The following GADL1 variants were observed in gnomAD, a reference collection of about 807,000 sequenced individuals.
GADL1 encodes acidic amino acid decarboxylase GADL1.
Under a neutral mutation model 69.5 loss-of-function variants are expected in GADL1, and 71 were observed. The observed-to-expected ratio is 1.02, with a 90% CI of 0.84 to 1.25. The LOEUF is 1.25. GADL1 is among the 50% of genes most tolerant of loss of function. The pLI, the probability that GADL1 is intolerant of heterozygous loss-of-function variation, is 0.00. For missense variants in GADL1, 737 were observed against 631.8 expected (o/e 1.17, Z -1.79); for synonymous variants, 254 against 214.4 (o/e 1.18, Z -1.62).
chr3:30,802,434 T>A (rs927631740), intron 11 of GADL1, among the ~76,000 whole-genome samples: 1 of 151,758 alleles, frequency 6.6e-6, no homozygotes, highest in East Asian at 1.9e-4. Flanking sequence ...TCTCATTTGG[T>A]GAATTTTCCA....
intron 11 of GADL1, among the ~76,000 whole-genome samples, chr3:30,830,705 C>G (rs1229115140): frequency 6.6e-6 from 1 of 151,988 alleles, no homozygotes; most frequent in East Asian, 1.9e-4. Context: ...GTTAACAATT[C>G]TGTAATAGAC....
intron 9 of GADL1, among the ~76,000 whole-genome samples, chr3:30,834,651 A>G (rs968443703): frequency 2.0e-5 from 3 of 152,112 alleles, no homozygotes; most frequent in African/African-American, 7.2e-5. Context: ...ATGATGAGAC[A>G]TGGGCTAAGG....
chr3:30,832,810 G>T (rs1050222318), intron 11 of GADL1, among the ~76,000 whole-genome samples: 1 of 151,924 alleles, frequency 6.6e-6, no homozygotes. Context: ...AAATGGTATT[G>T]AATACATTCA....
intron 12 of GADL1, among the ~76,000 whole-genome samples, chr3:30,796,284 AAAT>A (rs1697030799): frequency 6.6e-6 from 1 of 152,176 alleles, no homozygotes; most frequent in Non-Finnish European, 1.5e-5. Context: ...GAGCAGCTAT[AAAT>A]AATTTATGGT....
intron 14 of GADL1, among the ~76,000 whole-genome samples, chr3:30,771,413 C>T (rs934028229): frequency 4.6e-5 from 7 of 152,052 alleles, no homozygotes; most frequent in Non-Finnish European, 7.4e-5. Flanking sequence ...AAAGAGCATA[C>T]GGTATCTACA....
chr3:30,761,245 TGA>T (rs1363096914), intron 14 of GADL1, among the ~76,000 whole-genome samples: 2 of 134,622 alleles, frequency 1.5e-5, no homozygotes, highest in Admixed American at 1.5e-4. Flanking sequence ...TGGATAGCAA[TGA>T]GAATTCTGAG....
chr3:30,819,897 C>T (rs1234034053), intron 11 of GADL1, among the ~76,000 whole-genome samples: 1 of 151,804 alleles, frequency 6.6e-6, no homozygotes, highest in African/African-American at 2.4e-5. Flanking sequence ...ATTAATAGTT[C>T]AATGAAAATG....
At position 30,840,511 on chromosome 3, in the gene GADL1, G is replaced by A. The variant is rs184246249; in HGVS notation, c.787-1398C>T. ...CTGTATTCAAACTACTGACAACTAT[G>A]GCTTTATCATACCAGTGACCTAAAG... On this transcript the variant is annotated intron_variant, in intron 8 of 14. Transcript: ENST00000282538. 1.2e-4 allele frequency among the ~76,000 whole-genome samples: 19 copies of A among 152,202 alleles called. No homozygotes were observed. The East Asian group carries it at 3.3e-3, about 26-fold the overall frequency.
intron 11 of GADL1, among the ~76,000 whole-genome samples, chr3:30,806,110 C>T (rs1260446490): frequency 1.3e-5 from 2 of 152,016 alleles, no homozygotes; most frequent in Admixed American, 6.5e-5. Flanking sequence ...TTTGTATTTC[C>T]TCCTTGCAAT....
chr3:30,790,763 A>ACTAT (rs1173615274), intron 12 of GADL1, among the ~76,000 whole-genome samples: 1 of 152,200 alleles, frequency 6.6e-6, no homozygotes, highest in South Asian at 2.1e-4. Flanking sequence ...ATTTATATGT[A>ACTAT]CTATCTAAAT....
intron 14 of GADL1, among the ~76,000 whole-genome samples, chr3:30,769,023 C>T (rs1370352798): frequency 6.6e-6 from 1 of 152,124 alleles, no homozygotes; most frequent in African/African-American, 2.4e-5. Flanking sequence ...GCATCAAGTC[C>T]AGAGCATTTT....
chr3:30,869,534 C>T (rs1698450792), intron 1 of GADL1, among the ~76,000 whole-genome samples: 2 of 151,824 alleles, frequency 1.3e-5, no homozygotes, highest in South Asian at 4.1e-4. Flanking sequence ...AGGGATTGAA[C>T]CATTTCCACA....
chr3:30,795,328 C>T lies in GADL1; in HGVS notation c.1250+5561G>A, dbSNP rs754847965. On this transcript the variant is annotated intron_variant, in intron 12 of 14. Transcript: ENST00000282538. ...CATGGTTAGAAGACTGAAAGAGTTA[C>T]GATTATAGCTGGAAGAGTTAAGATT... Among the ~76,000 whole-genome samples the T allele has an allele frequency of 1.3e-5, 2 of 152,052 alleles. 1 individual carries two copies. Among genetic ancestry groups the T allele is most frequent in the South Asian group, 4.1e-4 (2 of 4,832 alleles).
At chr3:30,782,774 AAG>A (rs1183279019) in intron 13 of GADL1, among the ~76,000 whole-genome samples, 6 of 152,194 alleles carry the variant, frequency 3.9e-5, no homozygotes, top group Admixed American at 3.9e-4. Context: ...TCACATGGAA[AAG>A]AGAAATTGGG....
chr3:30,752,802 C>A (rs6799545), intron 14 of GADL1, among the ~76,000 whole-genome samples: 2 of 144,966 alleles, frequency 1.4e-5, no homozygotes, highest in African/African-American at 5.2e-5. Flanking sequence ...TTAAAACAAT[C>A]TAGGCTGCTG....
intron 1 of GADL1, among the ~76,000 whole-genome samples, chr3:30,866,375 G>A (rs752857414): frequency 2.9e-4 from 44 of 152,056 alleles, no homozygotes; most frequent in Non-Finnish European, 5.4e-4. Flanking sequence ...ACAAGAATCA[G>A]TTGAACCTGG....
At chr3:30,882,399 T>C (rs1698655252) in intron 1 of GADL1, among the ~76,000 whole-genome samples, 1 of 152,022 alleles carries the variant, frequency 6.6e-6, no homozygotes, top group African/African-American at 2.4e-5. Context: ...TGAATTTTAC[T>C]ACTTTAAATA....
intron 1 of GADL1, among the ~76,000 whole-genome samples, chr3:30,865,882 C>T (rs1698395296): frequency 6.6e-6 from 1 of 151,998 alleles, no homozygotes; most frequent in African/African-American, 2.4e-5. Context: ...CAGTCAATTC[C>T]TAAAGACTCC....
chr3:30,830,394 T>C (rs979710143), intron 11 of GADL1, among the ~76,000 whole-genome samples: 5 of 152,036 alleles, frequency 3.3e-5, no homozygotes, highest in African/African-American at 1.2e-4. Context: ...GCTTTTCTTT[T>C]GTCAATGTCT....
Sources: gnomAD v4.1 joint callset for allele counts (sites outside exome capture counted in the v4.1 genomes callset) on GRCh38, gnomAD v4.1.1 for gene constraint, MANE v1.5 for transcripts, NCBI Gene and HGNC (gene_info 2026-07-23, HGNC 2026-07-21) for gene names.